Variants in KDM4C observed in about 807,000 individuals in gnomAD.
KDM4C encodes the protein lysine demethylase 4C.
In KDM4C, 81 loss-of-function variants were observed where a neutral mutation model predicts 129.3. That is an observed-to-expected ratio of 0.63 (90% CI 0.52 to 0.75). The LOEUF (loss-of-function observed/expected upper bound fraction) is 0.75, where lower values mean the gene tolerates loss of function less well. Among genes scored for constraint, KDM4C ranks in the 30% least tolerant of loss-of-function variants. KDM4C has a pLI of 0.00. For synonymous variants in KDM4C, 573 were observed against 456.1 expected, an observed-to-expected ratio of 1.26 and a Z score of -3.26; for missense variants, 1,457 against 1,304.0, an observed-to-expected ratio of 1.12 and a Z score of -1.81.
chr9:7,011,624 A>C (rs778167244), intron 12 of KDM4C, 74 bp from the exon 13 acceptor site: 9 of 1,331,736 alleles, frequency 6.8e-6, no homozygotes, highest in Non-Finnish European at 9.6e-6. Context: ...TGGAATGTTT[A>C]TTTCTTTTGT....
intron 2 of KDM4C, among the ~76,000 whole-genome samples, chr9:6,797,744 T>G (rs1333299103): frequency 2.6e-5 from 4 of 152,250 alleles, no homozygotes; most frequent in African/African-American, 7.2e-5. Context: ...AGCACCACTC[T>G]TTCTCTTCCT....
At chr9:7,045,244 C>A (rs185540432) in intron 15 of KDM4C, among the ~76,000 whole-genome samples, 77 of 152,068 alleles carry the variant, frequency 5.1e-4, no homozygotes, top group African/African-American at 1.8e-3. Context: ...CTAACTTGTC[C>A]CTTTAGGCTT....
intron 8 of KDM4C, among the ~76,000 whole-genome samples, chr9:6,919,279 C>CTTTCTGTA (rs1820989150): frequency 8.5e-6 from 1 of 117,500 alleles, no homozygotes; most frequent in African/African-American, 3.0e-5. Context: ...TTCTGTCTCT[C>CTTTCTGTA]TCTCTCTCTT....
chr9:6,738,941 C>A (rs1817607054), intron 1 of KDM4C, among the ~76,000 whole-genome samples: 1 of 151,884 alleles, frequency 6.6e-6, no homozygotes, highest in East Asian at 1.9e-4. Flanking sequence ...TTTGCCCTGG[C>A]TGGTCTCGAA....
rs549507794 is a variant in KDM4C, at chr9:6,746,484, G to A, written c.49+25487G>A. On this transcript the variant is annotated intron_variant, in intron 1 of 17. Transcript: ENST00000536108. ...GGGTTTCACCGTGTTAGCCAGGATG[G>A]TCTGGATCTCCTGACCTCAGGTGAT... Among the ~76,000 whole-genome samples, 360 of 147,714 alleles carry A rather than the reference G, an allele frequency of 2.4e-3. 2 individuals carry two copies. The highest frequency in any genetic ancestry group is 8.6e-3 in the African/African-American group (348 of 40,516).
chr9:6,954,413 A>C (rs780778699), intron 8 of KDM4C, among the ~76,000 whole-genome samples: 1 of 152,064 alleles, frequency 6.6e-6, no homozygotes, highest in Non-Finnish European at 1.5e-5. Context: ...TCAGCTCATA[A>C]TTGTTTGTTA....
chr9:6,899,236 C>T (rs548290950), intron 8 of KDM4C, among the ~76,000 whole-genome samples: 22 of 152,068 alleles, frequency 1.4e-4, no homozygotes, highest in Middle Eastern at 6.8e-3. Flanking sequence ...CCCATATTCC[C>T]CTTCTCCCCA....
At chr9:7,019,432 T>G (rs758984427) in intron 15 of KDM4C, among the ~76,000 whole-genome samples, 26 of 137,380 alleles carry the variant, frequency 1.9e-4, no homozygotes, top group East Asian at 6.3e-4. Context: ...CTAACTCTCA[T>G]TCCTAATTCC....
intron 19 of KDM4C, among the ~76,000 whole-genome samples, chr9:7,157,815 C>T (rs1843348617): frequency 6.6e-6 from 1 of 151,882 alleles, no homozygotes; most frequent in African/African-American, 2.4e-5. Context: ...CAAAAATTCT[C>T]TTTTTTTTGT....
At chr9:7,110,542 T>C (rs909634768) in intron 18 of KDM4C, among the ~76,000 whole-genome samples, 1 of 152,132 alleles carries the variant, frequency 6.6e-6, no homozygotes, top group African/African-American at 2.4e-5. Flanking sequence ...TATGGTTTAG[T>C]GGGTGGGAAT....
chr9:7,088,381 C>G (rs1835396498), intron 17 of KDM4C, among the ~76,000 whole-genome samples: 1 of 152,204 alleles, frequency 6.6e-6, no homozygotes, highest in Admixed American at 6.5e-5. Context: ...TTTAAACTCT[C>G]CTTTAAGAAA....
intron 8 of KDM4C, chr9:6,925,673 T>G: frequency 1.0e-6 from 1 of 980,756 alleles, no homozygotes; most frequent in South Asian, 4.7e-5. Flanking sequence ...CGGAGAACTG[T>G]AAGGGAATTT....
At chr9:6,809,102 C>A (rs550952707) in intron 3 of KDM4C, among the ~76,000 whole-genome samples, 2 of 152,166 alleles carry the variant, frequency 1.3e-5, no homozygotes, top group African/African-American at 4.8e-5. Flanking sequence ...ACTCTTATTT[C>A]TGCATGTTAA....
intron 8 of KDM4C, chr9:6,973,760 C>G (rs1439756638): frequency 6.6e-6 from 1 of 152,162 alleles, no homozygotes. Context: ...CATCCCTTCC[C>G]TTCTTTTAAA....
intron 8 of KDM4C, among the ~76,000 whole-genome samples, chr9:6,896,776 C>G (rs1256105707): frequency 1.3e-5 from 2 of 152,066 alleles, no homozygotes; most frequent in Non-Finnish European, 2.9e-5. Context: ...GAATTCATCA[C>G]TCGTGAGTCA....
intron 4 of KDM4C, among the ~76,000 whole-genome samples, chr9:6,843,002 T>A (rs560124793): frequency 1.3e-5 from 2 of 152,330 alleles, no homozygotes; most frequent in African/African-American, 4.8e-5. Context: ...CAGTCTTGGC[T>A]TACTGTAACT....
intron 4 of KDM4C, among the ~76,000 whole-genome samples, chr9:6,839,670 G>A (rs908539789): frequency 3.3e-5 from 5 of 152,082 alleles, no homozygotes; most frequent in Non-Finnish European, 5.9e-5. Context: ...ACTTTTGGAG[G>A]CCGAGGCAGG....
At chr9:6,909,462 A>G (rs565936730) in intron 8 of KDM4C, among the ~76,000 whole-genome samples, 3 of 152,232 alleles carry the variant, frequency 2.0e-5, no homozygotes, top group Non-Finnish European at 4.4e-5. Context: ...TGGGATAGGA[A>G]TTTGATTTTG....
chr9:6,721,698 C>T (rs567643981), intron 1 of KDM4C, among the ~76,000 whole-genome samples: 2 of 151,876 alleles, frequency 1.3e-5, no homozygotes, highest in East Asian at 1.9e-4. Context: ...AAGCAATTCT[C>T]CTGCCTCAGC....
Sources: allele counts gnomAD v4.1 joint callset (sites outside exome capture counted in the v4.1 genomes callset), GRCh38; gene constraint gnomAD v4.1.1; transcripts MANE v1.5; gene names NCBI Gene and HGNC (gene_info 2026-07-23, HGNC 2026-07-21).